ERMP1: variants seen among roughly 807,000 people sequenced by gnomAD.
ERMP1 encodes the protein Felix-ina.
In ERMP1, 86 loss-of-function variants were observed where a neutral mutation model predicts 92.0. The observed-to-expected ratio is 0.93, with a 90% CI of 0.79 to 1.12. ERMP1 has a LOEUF of 1.12. Ranked by LOEUF, ERMP1 falls within the 50% of genes most tolerant of loss-of-function variation. The probability of loss-of-function intolerance (pLI) is 0.00; values close to 1 mark genes in which losing one functional copy is unlikely to be tolerated. For missense variants in ERMP1, 1,342 were observed against 1,116.3 expected (o/e 1.20, Z -2.88); for synonymous variants, 530 against 412.8 (o/e 1.28, Z -3.44).
chr9:5,830,628 A>T, intron 2 of ERMP1, 99 bp downstream of exon 2: 1 of 905,776 alleles, frequency 1.1e-6, no homozygotes, highest in Non-Finnish European at 1.7e-6. Context: ...AGGTTTGCCC[A>T]AGAAAATGGT....
intron 4 of ERMP1, among the ~76,000 whole-genome samples, chr9:5,822,882 G>C (rs768291199): frequency 3.9e-4 from 60 of 152,314 alleles, no homozygotes; most frequent in African/African-American, 1.4e-3. Context: ...GATGAGGCTT[G>C]AGCAGTAGGA....
At chr9:5,826,657 A>C (rs1039163593) in intron 2 of ERMP1, among the ~76,000 whole-genome samples, 4 of 152,258 alleles carry the variant, frequency 2.6e-5, no homozygotes, top group African/African-American at 9.6e-5. Context: ...AATCGAAGTG[A>C]AACAAAGTAA....
At chr9:5,825,559 TCTTTAC>T (rs1220191745) in intron 2 of ERMP1, among the ~76,000 whole-genome samples, 4 of 152,232 alleles carry the variant, frequency 2.6e-5, no homozygotes, top group African/African-American at 9.7e-5. Context: ...TCTGTTCTAT[TCTTTAC>T]CCGTATTCCA....
intron 6 of ERMP1, among the ~76,000 whole-genome samples, chr9:5,844,365 C>G (rs745675270): frequency 1.3e-5 from 2 of 152,214 alleles, no homozygotes; most frequent in Non-Finnish European, 2.9e-5. Flanking sequence ...ACCTCTGTCT[C>G]CCAGGTTCAA....
intron 5 of ERMP1, 148 bp downstream of exon 5, chr9:5,812,741 A>G (rs1352288782): frequency 2.3e-6 from 2 of 879,030 alleles, no homozygotes; most frequent in Admixed American, 2.1e-5. Flanking sequence ...AAAAAAGGAA[A>G]CAAACTCTGT....
intron 11 of ERMP1, 61 bp from the exon 12 acceptor site, chr9:5,799,069 G>T: frequency 8.3e-7 from 1 of 1,211,098 alleles, no homozygotes; most frequent in Non-Finnish European, 1.2e-6. Flanking sequence ...TCCCACCCCA[G>T]ATTACAAAAA....
intron 13 of ERMP1, 44 bp from the exon 14 acceptor site, chr9:5,787,637 G>T (rs745595146): frequency 3.2e-6 from 5 of 1,567,654 alleles, no homozygotes; most frequent in East Asian, 4.5e-5. Flanking sequence ...TTTTTAAAAG[G>T]ATCAAAAAAA....
intron 8 of ERMP1, among the ~76,000 whole-genome samples, chr9:5,809,630 T>A (rs1829013866): frequency 6.6e-6 from 1 of 152,138 alleles, no homozygotes; most frequent in Non-Finnish European, 1.5e-5. Flanking sequence ...GATACAGAAA[T>A]AAATAAAACA....
At chr9:5,851,599 C>T (rs1004198577) in intron 6 of ERMP1, among the ~76,000 whole-genome samples, 2 of 152,166 alleles carry the variant, frequency 1.3e-5, no homozygotes. Flanking sequence ...CTTATTATAA[C>T]CATTTCACAA....
chr9:5,792,236 A>C (rs1365766215), intron 13 of ERMP1, among the ~76,000 whole-genome samples: 2 of 152,216 alleles, frequency 1.3e-5, no homozygotes, highest in East Asian at 3.8e-4. Context: ...CTCTCCAGGC[A>C]ACAGGAAATC....
At chr9:5,789,715 G>A (rs1454475369) in intron 13 of ERMP1, among the ~76,000 whole-genome samples, 1 of 152,066 alleles carries the variant, frequency 6.6e-6, no homozygotes, top group Non-Finnish European at 1.5e-5. Flanking sequence ...GCAGCCCACT[G>A]CTCTATCGCC....
chr9:5,795,177 A>G (rs913753715), intron 13 of ERMP1, among the ~76,000 whole-genome samples: 1 of 152,220 alleles, frequency 6.6e-6, no homozygotes, highest in Non-Finnish European at 1.5e-5. Flanking sequence ...CAGGAAAAGC[A>G]ACTGACAAAA....
intron 8 of ERMP1, among the ~76,000 whole-genome samples, chr9:5,807,244 C>A (rs1828902910): frequency 6.6e-6 from 1 of 152,150 alleles, no homozygotes; most frequent in Non-Finnish European, 1.5e-5. Context: ...TCTCACTGAC[C>A]TGCCCAAAAC....
chr9:5,800,227 G>C (rs1240056004), intron 11 of ERMP1, among the ~76,000 whole-genome samples: 1 of 152,162 alleles, frequency 6.6e-6, no homozygotes, highest in African/African-American at 2.4e-5. Flanking sequence ...ATGGGTATAA[G>C]GCATAAGATA....
At chr9:5,833,820 T>C (rs962161261), upstream of ERMP1, among the ~76,000 whole-genome samples, 1 of 152,186 alleles carries the variant, frequency 6.6e-6, no homozygotes, top group African/African-American at 2.4e-5. Context: ...ACTCTGCAAG[T>C]GAAGGTTCAG....
chr9:5,786,655 T>C lies in ERMP1; in HGVS notation c.*489A>G, dbSNP rs1336314366. ...GTGCAATGCTTCTCTCCCAGCCCTA[T>C]GGCAATCACTTTCCAGTGACCTACA... On this transcript the variant is annotated 3_prime_UTR_variant, in exon 15 of 15. Transcript: ENST00000339450. The C allele has an allele frequency of 6.4e-6, 1 of 157,324 alleles. No individual in the cohort carries two copies. The highest frequency in any genetic ancestry group is 1.4e-5 in the Non-Finnish European group (1 of 71,000). 9.7% of individuals were successfully genotyped at this position (157,324 alleles called of 1,614,324 possible).
At position 5,832,698 on chromosome 9, in the gene ERMP1, G is replaced by A. The variant is rs1337471338; in HGVS notation, c.330C>T (p.Leu110=). The A allele has an allele frequency of 2.0e-6, 3 of 1,472,436 alleles. No homozygotes were observed. Among genetic ancestry groups the A allele is most frequent in the Admixed American group, 4.7e-5 (2 of 42,276 alleles). 91.2% of individuals were successfully genotyped at this position (1,472,436 alleles called of 1,614,324 possible). ...GAGGGAGCGGCCGGTACCTGGCTTG[G>A]AGCGCGTCGAACTCCCCGCGGTGTC... is the stretch of plus-strand genomic sequence containing the variant. ...AAGHRGEFDA[L]QARDYLEHIT... is the part of the protein sequence containing the mutation. The change falls in exon 1 of 15, where the codon CTC becomes CTT. Residue 110 remains leucine, a synonymous_variant. Transcript: ENST00000339450.
intron 13 of ERMP1, among the ~76,000 whole-genome samples, chr9:5,787,945 A>C (rs146826859): frequency 1.1e-3 from 173 of 152,336 alleles, no homozygotes; most frequent in African/African-American, 3.8e-3. Flanking sequence ...AAGTGCTGTA[A>C]CAGTACTGAA....
At chr9:5,842,774 A>C (rs145935296) in intron 6 of ERMP1, among the ~76,000 whole-genome samples, 2 of 152,384 alleles carry the variant, frequency 1.3e-5, no homozygotes, top group East Asian at 3.9e-4. Context: ...CTTACTTCCA[A>C]GCAATTCAAA....
Sources: gnomAD v4.1 joint callset for allele counts (sites outside exome capture counted in the v4.1 genomes callset) on GRCh38, gnomAD v4.1.1 for gene constraint, MANE v1.5 for transcripts, NCBI Gene and HGNC (gene_info 2026-07-23, HGNC 2026-07-21) for gene names.